NVL: variants seen among roughly 807,000 people sequenced by gnomAD.
NVL encodes nuclear VCP like.
Under a neutral mutation model 110.2 loss-of-function variants are expected in NVL, and 84 were observed. That is an observed-to-expected ratio of 0.76 (90% CI 0.64 to 0.91). NVL has a LOEUF of 0.91. Among genes scored for constraint, NVL ranks in the 40% least tolerant of loss-of-function variants. The pLI, the probability that NVL is intolerant of heterozygous loss-of-function variation, is 0.00. For synonymous variants in NVL, 354 were observed against 361.1 expected (o/e 0.98, Z 0.22); for missense variants, 882 against 1,035.9 (o/e 0.85, Z 2.04).
intron 12 of NVL, among the ~76,000 whole-genome samples, chr1:224,290,584 C>T (rs372653594): frequency 6.6e-6 from 1 of 152,010 alleles, no homozygotes; most frequent in Non-Finnish European, 1.5e-5. Context: ...AGGCAGATCA[C>T]GAGGTCAGGA....
intron 18 of NVL, among the ~76,000 whole-genome samples, chr1:224,254,482 T>G (rs1320891703): frequency 7.1e-6 from 1 of 140,864 alleles, no homozygotes; most frequent in Non-Finnish European, 1.5e-5. Context: ...AACCTCTACC[T>G]CCTGGATTCA....
Position 224,281,157 on chromosome 1 carries a change from A to C in NVL, c.1928T>G (p.Phe643Cys). 6.2e-7 allele frequency: 1 copy of C among 1,614,018 alleles called. No individual in the cohort carries two copies. Among genetic ancestry groups the C allele is most frequent in the Non-Finnish European group, 8.5e-7 (1 of 1,179,980 alleles). ...KAVANESGLNFISVKGPELLN... is the reference protein window; with the variant it reads ...KAVANESGLNCISVKGPELLN... ...TAATTCGGGGCCCTTGACAGATATA[A>C]AATTTAGTCCGGACTCATTTGCAAC... is the stretch of plus-strand genomic sequence containing the variant. Residue 643 changes from phenylalanine (F) to cysteine (C), a missense_variant, in exon 16 of 23, where the codon TTT becomes TGT. By Grantham distance (205) the Phe-to-Cys change is radical. Coordinates refer to ENST00000281701, the MANE Select transcript of NVL (RefSeq NM_002533.4).
chr1:224,245,037 C>T (rs149750718), intron 19 of NVL, among the ~76,000 whole-genome samples: 356 of 152,192 alleles, frequency 2.3e-3, no homozygotes, highest in African/African-American at 8.0e-3. Flanking sequence ...GAAGAAGTTG[C>T]TTTGACCTAC....
intron 4 of NVL, chr1:224,312,116 A>G (rs1669584603): frequency 1.8e-5 from 6 of 338,310 alleles, no homozygotes; most frequent in Non-Finnish European, 1.1e-5. Context: ...GATTAAATAA[A>G]CACTTGCAAA....
chr1:224,312,376 A>G (rs764883158), intron 4 of NVL, among the ~76,000 whole-genome samples: 1 of 152,242 alleles, frequency 6.6e-6, no homozygotes, highest in Non-Finnish European at 1.5e-5. Context: ...GGGATGAAGG[A>G]GCAAATAAAT....
At chr1:224,271,735 A>C (rs73128468) in intron 17 of NVL, among the ~76,000 whole-genome samples, 3 of 152,058 alleles carry the variant, frequency 2.0e-5, no homozygotes, top group African/African-American at 7.3e-5. Context: ...TACATTTGCC[A>C]GGCGCGGTGG....
At chr1:224,258,626 C>T (rs1386277554) in intron 18 of NVL, among the ~76,000 whole-genome samples, 1 of 151,830 alleles carries the variant, frequency 6.6e-6, no homozygotes, top group East Asian at 1.9e-4. Context: ...TTCATAATAG[C>T]CAAAAAACAG....
chr1:224,298,606 G>A (rs974876191), intron 10 of NVL: 1 of 212,706 alleles, frequency 4.7e-6, no homozygotes, highest in Admixed American at 4.3e-5. Context: ...CATAATAGGT[G>A]GTAATAAAAG....
intron 12 of NVL, among the ~76,000 whole-genome samples, chr1:224,294,052 G>A (rs939798690): frequency 6.6e-5 from 10 of 152,038 alleles, no homozygotes; most frequent in South Asian, 2.1e-4. Flanking sequence ...CTCCTGCCTC[G>A]GCCTCCCAAA....
intron 2 of NVL, among the ~76,000 whole-genome samples, chr1:224,324,060 T>C (rs538690008): frequency 1.1e-4 from 16 of 152,284 alleles, no homozygotes; most frequent in Admixed American, 3.3e-4. Flanking sequence ...AAGAGTATAC[T>C]TACACAAACC....
chr1:224,283,482 C>T (rs541497266), intron 15 of NVL, among the ~76,000 whole-genome samples: 3 of 151,236 alleles, frequency 2.0e-5, no homozygotes, highest in Non-Finnish European at 4.4e-5. Context: ...AAGACTCCAT[C>T]TCAAAAAAAG....
chr1:224,290,028 AATAAG>A (rs919273276), intron 12 of NVL, among the ~76,000 whole-genome samples: 4 of 152,248 alleles, frequency 2.6e-5, no homozygotes, highest in Non-Finnish European at 4.4e-5. Flanking sequence ...TTACAGGGGA[AATAAG>A]ATAAATAACT....
intron 1 of NVL, among the ~76,000 whole-genome samples, chr1:224,327,057 G>A (rs1431082445): frequency 2.0e-5 from 3 of 151,996 alleles, no homozygotes; most frequent in African/African-American, 7.3e-5. Flanking sequence ...GTGGGAGATC[G>A]CTTAAGCCCA....
At chr1:224,329,455 G>T (rs751604229) in intron 1 of NVL, among the ~76,000 whole-genome samples, 6 of 152,096 alleles carry the variant, frequency 3.9e-5, no homozygotes, top group Non-Finnish European at 5.9e-5. Context: ...CTGGTGAAGT[G>T]AAAGAAAAAC....
intron 18 of NVL, among the ~76,000 whole-genome samples, chr1:224,261,752 G>A (rs59236258): frequency 0.056 from 8,474 of 152,024 alleles, 742 homozygotes; most frequent in African/African-American, 0.18. Flanking sequence ...AGGAGTTTGA[G>A]ACCAGCCTGG....
intron 4 of NVL, among the ~76,000 whole-genome samples, chr1:224,313,871 T>C (rs1669797580): frequency 6.6e-6 from 1 of 151,938 alleles, no homozygotes; most frequent in Admixed American, 6.6e-5. Context: ...GCAGTGGTGG[T>C]GGGTGCCTGT....
At chr1:224,315,429 G>C (rs772354797) in intron 4 of NVL, among the ~76,000 whole-genome samples, 2 of 152,154 alleles carry the variant, frequency 1.3e-5, no homozygotes, top group Non-Finnish European at 2.9e-5. Flanking sequence ...AAAAGCATTT[G>C]ACAAATGCAA....
intron 22 of NVL, among the ~76,000 whole-genome samples, chr1:224,230,356 G>A (rs896794103): frequency 2.6e-5 from 4 of 152,242 alleles, no homozygotes; most frequent in Non-Finnish European, 5.9e-5. Flanking sequence ...TGTAATCCCA[G>A]CACTTTGGGA....
At chr1:224,262,331 G>A (rs1287929636) in intron 18 of NVL, among the ~76,000 whole-genome samples, 2 of 152,036 alleles carry the variant, frequency 1.3e-5, no homozygotes, top group African/African-American at 4.8e-5. Flanking sequence ...CAAAATTAGG[G>A]TGGAATAAAG....
Sources: allele counts gnomAD v4.1 joint callset (sites outside exome capture counted in the v4.1 genomes callset), GRCh38; gene constraint gnomAD v4.1.1; transcripts MANE v1.5; gene names NCBI Gene and HGNC (gene_info 2026-07-23, HGNC 2026-07-21).